Variants in MYO3B observed in about 807,000 individuals in gnomAD.
MYO3B encodes the protein myosin-IIIb.
A neutral mutation model predicts 174.6 loss-of-function variants in MYO3B; 156 were observed. That is an observed-to-expected ratio of 0.89 (90% CI 0.78 to 1.02). The LOEUF is 1.02. Ranked by LOEUF, MYO3B falls within the 50% of genes least tolerant of loss-of-function variation. The probability of loss-of-function intolerance (pLI) is 0.00; values close to 1 mark genes in which losing one functional copy is unlikely to be tolerated. For missense variants in MYO3B, 1,632 were observed against 1,639.4 expected, an observed-to-expected ratio of 1.00 and a Z score of 0.08; for synonymous variants, 563 against 569.1, an observed-to-expected ratio of 0.99 and a Z score of 0.15.
intron 7 of MYO3B, 30 bp from the exon 8 acceptor site, chr2:170,335,355 C>T (rs2105538729): frequency 6.4e-7 from 1 of 1,553,028 alleles, no homozygotes; most frequent in East Asian, 2.3e-5. Flanking sequence ...ATTCTTCTTT[C>T]TTAAGAAAAA....
intron 1 of MYO3B, chr2:170,180,037 C>A: frequency 4.2e-6 from 1 of 236,718 alleles, no homozygotes; most frequent in Non-Finnish European, 9.5e-6. Context: ...GAATAGCATA[C>A]TGAGCAATGG....
chr2:170,367,109 CCT>C (rs770196382), intron 8 of MYO3B, among the ~76,000 whole-genome samples: 11 of 152,148 alleles, frequency 7.2e-5, no homozygotes, highest in Non-Finnish European at 1.3e-4. Context: ...AGTCTCTGCC[CCT>C]GTGTTTACTA....
chr2:170,332,449 C>T (rs943248058), intron 7 of MYO3B, among the ~76,000 whole-genome samples: 2 of 152,156 alleles, frequency 1.3e-5, no homozygotes, highest in African/African-American at 2.4e-5. Context: ...AAAGAATAAC[C>T]TACATGGTTT....
At chr2:170,597,789 TG>T (rs1422667669) in intron 32 of MYO3B, among the ~76,000 whole-genome samples, 1 of 152,244 alleles carries the variant, frequency 6.6e-6, no homozygotes, top group Non-Finnish European at 1.5e-5. Flanking sequence ...CCAACATTTT[TG>T]GCTCTGTATT....
rs576837646 is a variant in MYO3B at position 170,588,169 on chromosome 2, C to A, written c.3733+44181C>A. Among the ~76,000 whole-genome samples, 8 of 152,190 alleles carry A rather than the reference C, an allele frequency of 5.3e-5. No homozygotes were observed. In the South Asian group the frequency reaches 1.7e-3, roughly 32 times the overall value. On this transcript the variant is annotated intron_variant, in intron 32 of 34. Transcript: ENST00000408978. The stretch of plus-strand genomic sequence containing the variant: ...CACACAAGACAGGCTTGGTGACTCA[C>A]TTCTGTAATCCTAGCCCTTTGGGAG...
intron 32 of MYO3B, among the ~76,000 whole-genome samples, chr2:170,651,301 T>G (rs1698996379): frequency 6.6e-6 from 1 of 152,220 alleles, no homozygotes. Flanking sequence ...AACATAGTCA[T>G]GCCACTAAGG....
At chr2:170,197,444 A>C (rs933202572) in intron 1 of MYO3B, among the ~76,000 whole-genome samples, 15 of 152,212 alleles carry the variant, frequency 9.9e-5, no homozygotes, top group African/African-American at 3.6e-4. Context: ...GGGAGAAGAG[A>C]GTGAACTGCT....
At chr2:170,384,934 T>G (rs905343386) in intron 12 of MYO3B, among the ~76,000 whole-genome samples, 1 of 152,206 alleles carries the variant, frequency 6.6e-6, no homozygotes, top group Non-Finnish European at 1.5e-5. Flanking sequence ...CCTAGGCTTC[T>G]CACACATCTG....
intron 1 of MYO3B, among the ~76,000 whole-genome samples, chr2:170,195,380 A>T (rs1189362250): frequency 6.6e-6 from 1 of 152,116 alleles, no homozygotes; most frequent in Non-Finnish European, 1.5e-5. Context: ...GAAGAGAAGG[A>T]GCATCTGAAT....
intron 7 of MYO3B, among the ~76,000 whole-genome samples, chr2:170,272,205 C>CT (rs1290759356): frequency 6.6e-6 from 1 of 152,060 alleles, no homozygotes; most frequent in Non-Finnish European, 1.5e-5. Flanking sequence ...TTCACAGGCC[C>CT]TAGCCTAGAC....
intron 8 of MYO3B, among the ~76,000 whole-genome samples, chr2:170,335,993 C>T (rs1238108195): frequency 6.6e-6 from 1 of 152,124 alleles, no homozygotes; most frequent in Non-Finnish European, 1.5e-5. Flanking sequence ...GATGGTGTGA[C>T]ATACCTGGTA....
intron 16 of MYO3B, among the ~76,000 whole-genome samples, chr2:170,393,974 A>G (rs976060760): frequency 2.6e-5 from 4 of 152,222 alleles, no homozygotes; most frequent in South Asian, 2.1e-4. Context: ...GAGTTAAAGC[A>G]TGGTAGGAAT....
At chr2:170,431,617 A>C (rs1281673172) in intron 22 of MYO3B, among the ~76,000 whole-genome samples, 4 of 152,254 alleles carry the variant, frequency 2.6e-5, no homozygotes, top group African/African-American at 9.6e-5. Flanking sequence ...GAAATTCCTT[A>C]AAATGCCAGA....
intron 7 of MYO3B, among the ~76,000 whole-genome samples, chr2:170,256,237 C>G (rs1309337921): frequency 1.3e-5 from 2 of 152,092 alleles, no homozygotes. Flanking sequence ...ACAAAAATTT[C>G]CCCAATTTCA....
intron 31 of MYO3B, 41 bp downstream of exon 31, chr2:170,543,007 CCTT>C (rs1379511578): frequency 2.6e-6 from 4 of 1,510,522 alleles, no homozygotes; most frequent in East Asian, 4.5e-5. Flanking sequence ...GTGTATCACT[CCTT>C]CAGACTCATC....
chr2:170,295,146 C>A (rs1164012776), intron 7 of MYO3B, among the ~76,000 whole-genome samples: 1 of 151,654 alleles, frequency 6.6e-6, no homozygotes, highest in African/African-American at 2.4e-5. Context: ...AATCTCCCTC[C>A]TTTCAATGTT....
chr2:170,593,282 T>G (rs956677726), intron 32 of MYO3B, among the ~76,000 whole-genome samples: 1 of 152,152 alleles, frequency 6.6e-6, no homozygotes, highest in African/African-American at 2.4e-5. Context: ...AAATTATTTT[T>G]TGTAGGGACA....
At chr2:170,572,211 C>T (rs1289012711) in intron 32 of MYO3B, among the ~76,000 whole-genome samples, 6 of 152,004 alleles carry the variant, frequency 3.9e-5, no homozygotes, top group Admixed American at 3.3e-4. Context: ...GGGTGGATCA[C>T]GAGGTCAGGG....
At chr2:170,227,205 G>A (rs1417471312) in intron 6 of MYO3B, among the ~76,000 whole-genome samples, 1 of 152,184 alleles carries the variant, frequency 6.6e-6, no homozygotes, top group East Asian at 1.9e-4. Flanking sequence ...CCTTGAGTAG[G>A]ATGAAATAGG....
Sources: gnomAD v4.1 joint callset for allele counts (sites outside exome capture counted in the v4.1 genomes callset) on GRCh38, gnomAD v4.1.1 for gene constraint, MANE v1.5 for transcripts, NCBI Gene and HGNC (gene_info 2026-07-23, HGNC 2026-07-21) for gene names.